The following NCKAP5 variants were observed in gnomAD, a reference collection of about 807,000 sequenced individuals.
The protein encoded by NCKAP5 is NCK associated protein 5.
Under a neutral mutation model 167.0 loss-of-function variants are expected in NCKAP5, and 92 were observed. The ratio of observed to expected loss-of-function variants is 0.55; its 90% CI spans 0.47 to 0.66. NCKAP5 has a LOEUF of 0.66. Among genes scored for constraint, NCKAP5 ranks in the 30% least tolerant of loss-of-function variants. The probability of loss-of-function intolerance (pLI) is 0.00; values close to 1 mark genes in which losing one functional copy is unlikely to be tolerated. For missense variants in NCKAP5, 2,378 were observed against 2,315.0 expected (o/e 1.03, Z -0.56); for synonymous variants, 891 against 877.4 (o/e 1.02, Z -0.27).
At chr2:133,592,775 A>G in the NCKAP5 span, among the ~76,000 whole-genome samples, 1 of 152,240 alleles carries the variant, frequency 6.6e-6, no homozygotes, top group Non-Finnish European at 1.5e-5. Flanking sequence ...AAACCAGTAT[A>G]ACATTCCTGC....
At chr2:133,590,212 C>T in the NCKAP5 span, among the ~76,000 whole-genome samples, 7 of 152,170 alleles carry the variant, frequency 4.6e-5, no homozygotes, top group South Asian at 2.1e-4. Flanking sequence ...AAGTGGTGGC[C>T]GGGCGCGGTG....
the NCKAP5 span, among the ~76,000 whole-genome samples, chr2:133,606,352 G>T: frequency 6.6e-6 from 1 of 152,160 alleles, no homozygotes; most frequent in Non-Finnish European, 1.5e-5. Flanking sequence ...GAAGCCTGTT[G>T]ACCACAAAGA....
intron 3 of NCKAP5, among the ~76,000 whole-genome samples, chr2:133,392,515 C>G (rs1028959168): frequency 2.0e-5 from 3 of 151,992 alleles, no homozygotes; most frequent in Non-Finnish European, 4.4e-5. Context: ...TTCTGTATTC[C>G]CCATAGATGG....
At chr2:133,071,344 C>T (rs2080390402) in intron 6 of NCKAP5, among the ~76,000 whole-genome samples, 1 of 151,832 alleles carries the variant, frequency 6.6e-6, no homozygotes, top group African/African-American at 2.4e-5. Flanking sequence ...ACTTGGGAGG[C>T]TGAGGCAGGA....
At chr2:132,811,242 G>T (rs545915336) in intron 11 of NCKAP5, among the ~76,000 whole-genome samples, 1 of 152,212 alleles carries the variant, frequency 6.6e-6, no homozygotes, top group South Asian at 2.1e-4. Flanking sequence ...TGTGTTGGTT[G>T]GCCTCCTGCT....
chr2:133,354,254 C>CTTTTTTTTTTTTT (rs57923596), intron 3 of NCKAP5, among the ~76,000 whole-genome samples: 1 of 142,794 alleles, frequency 7.0e-6, no homozygotes. Context: ...GATTAGTTCT[C>CTTTTTTTTTTTTT]TTTTTTTTTT....
At chr2:133,580,724 C>A in the NCKAP5 span, among the ~76,000 whole-genome samples, 1 of 152,198 alleles carries the variant, frequency 6.6e-6, no homozygotes, top group South Asian at 2.1e-4. Flanking sequence ...TGCACAGGTC[C>A]TCAGAGAGAA....
rs112711443 is a variant in NCKAP5 at position 132,718,942 on chromosome 2, G to A, written c.5713+6685C>T. 3.1e-3 allele frequency among the ~76,000 whole-genome samples: 467 copies of A among 152,328 alleles called. 1 individual carries two copies. Among genetic ancestry groups the A allele is most frequent in the African/African-American group, 0.011 (437 of 41,576 alleles). On this transcript the variant is annotated intron_variant, in intron 19 of 19. Coordinates refer to ENST00000409261, the MANE Select transcript of NCKAP5 (RefSeq NM_207363.3). ...GGTCTTACAGGGGAACAGACAAGGA[G>A]TAGTAACTGGACTTTGGGCGTGGCT... is the stretch of plus-strand genomic sequence containing the variant.
chr2:132,843,391 A>C (rs1051140872), intron 11 of NCKAP5, among the ~76,000 whole-genome samples: 13 of 152,046 alleles, frequency 8.6e-5, no homozygotes, highest in African/African-American at 3.1e-4. Context: ...GGTGTATACA[A>C]TTTTATGACT....
intron 16 of NCKAP5, 67 bp downstream of exon 16, chr2:132,773,749 A>T: frequency 8.0e-7 from 1 of 1,254,156 alleles, no homozygotes; most frequent in Non-Finnish European, 1.1e-6. Context: ...GGAATGTACC[A>T]TATCTGGAAG....
the NCKAP5 span, among the ~76,000 whole-genome samples, chr2:133,672,027 T>C: frequency 1.3e-5 from 2 of 152,062 alleles, no homozygotes; most frequent in African/African-American, 4.8e-5. Flanking sequence ...ATAAACACGA[T>C]AGGTATTGAT....
the NCKAP5 span, among the ~76,000 whole-genome samples, chr2:133,650,801 G>A: frequency 2.6e-5 from 4 of 152,126 alleles, no homozygotes; most frequent in Non-Finnish European, 4.4e-5. Context: ...AGAATCACTC[G>A]AACCCAGGAA....
chr2:132,711,698 T>C (rs914886971), intron 19 of NCKAP5, among the ~76,000 whole-genome samples: 2 of 152,138 alleles, frequency 1.3e-5, no homozygotes, highest in Non-Finnish European at 2.9e-5. Context: ...TGTGTAATAC[T>C]GTGCAACCCA....
chr2:132,739,571 G>A (rs769650483), intron 16 of NCKAP5, among the ~76,000 whole-genome samples: 7 of 152,174 alleles, frequency 4.6e-5, no homozygotes, highest in Middle Eastern at 3.4e-3. Flanking sequence ...TTCTATAACC[G>A]GTTGTCAGGG....
At chr2:132,674,824 A>G (rs1370165107) in intron 19 of NCKAP5, among the ~76,000 whole-genome samples, 1 of 152,170 alleles carries the variant, frequency 6.6e-6, no homozygotes, top group Non-Finnish European at 1.5e-5. Context: ...ATTTCATTAT[A>G]CTACTAACGT....
intron 8 of NCKAP5, among the ~76,000 whole-genome samples, chr2:132,937,208 CAA>C (rs1344956692): frequency 6.6e-6 from 1 of 152,044 alleles, no homozygotes; most frequent in Non-Finnish European, 1.5e-5. Flanking sequence ...AGAGGCTGCC[CAA>C]AGAGACACAG....
At chr2:133,318,212 A>C (rs59037048) in intron 3 of NCKAP5, among the ~76,000 whole-genome samples, 26,756 of 152,204 alleles carry the variant, frequency 0.18, 2,500 homozygotes, top group Non-Finnish European at 0.21. Context: ...GGATGGTTTA[A>C]GAAGATGGAG....
intron 6 of NCKAP5, among the ~76,000 whole-genome samples, chr2:132,995,386 C>T (rs1407640299): frequency 3.3e-5 from 5 of 152,174 alleles, no homozygotes; most frequent in African/African-American, 4.8e-5. Context: ...CACGGTGGCT[C>T]ATACCTGTGA....
chr2:133,630,479 T>C, the NCKAP5 span, among the ~76,000 whole-genome samples: 6 of 151,924 alleles, frequency 3.9e-5, no homozygotes, highest in African/African-American at 9.7e-5. Flanking sequence ...TAAGGAAAAA[T>C]AGCTAACGTG....
Sources: gnomAD v4.1 joint callset for allele counts (sites outside exome capture counted in the v4.1 genomes callset) on GRCh38, gnomAD v4.1.1 for gene constraint, MANE v1.5 for transcripts, NCBI Gene and HGNC (gene_info 2026-07-23, HGNC 2026-07-21) for gene names.